The following CHD8 variants were observed in gnomAD, a reference collection of about 807,000 sequenced individuals.
The protein encoded by CHD8 is chromodomain helicase DNA binding protein 8.
In CHD8, 31 loss-of-function variants were observed where a neutral mutation model predicts 279.2. The observed-to-expected ratio is 0.11, with a 90% CI of 0.08 to 0.15. The LOEUF is 0.15. Ranked by LOEUF, CHD8 falls within the 10% of genes least tolerant of loss-of-function variation. The probability of loss-of-function intolerance (pLI) is 1.00; values close to 1 mark genes in which losing one functional copy is unlikely to be tolerated. For missense variants in CHD8, 2,146 were observed against 3,230.5 expected, an observed-to-expected ratio of 0.66 and a Z score of 8.14; for synonymous variants, 1,081 against 1,139.6, an observed-to-expected ratio of 0.95 and a Z score of 1.04.
intron 1 of CHD8, chr14:21,437,164 C>A (rs1361837526): frequency 1.8e-6 from 2 of 1,119,504 alleles, no homozygotes; most frequent in African/African-American, 3.2e-5. Context: ...AGCTGTGCCT[C>A]ACCCCAGTGG....
In CHD8 at chr14:21,385,738, C is replaced by T. The variant is rs752493285; in HGVS notation, c.7621G>A (p.Asp2541Asn). Residue 2541 changes from aspartate to asparagine, a missense_variant, in exon 38 of 38, where the codon GAT (aspartate) becomes AAT (asparagine). By Grantham distance (23) the Asp-to-Asn change is conservative. Coordinates refer to ENST00000646647, the MANE Select transcript of CHD8 (RefSeq NM_001170629.2). ...TCATCATCATCTTCTTCATCCTCAT[C>T]GTCATCCTCCTCAGGTTGCAGTGGT... is the stretch of plus-strand genomic sequence containing the variant. ...LPPLQPEEDD[D>N]EDEEDDDDLS... 1.0e-5 allele frequency: 16 copies of T among 1,551,516 alleles called. No individual in the cohort carries two copies. The highest frequency in any genetic ancestry group is 1.4e-5 in the African/African-American group (1 of 73,030).
At chr14:21,393,031 G>C (rs1848320484) in intron 33 of CHD8, 75 bp downstream of exon 33, 2 of 1,468,746 alleles carry the variant, frequency 1.4e-6, no homozygotes, top group African/African-American at 2.9e-5. Flanking sequence ...AGAACCATAT[G>C]TTCCTTTTTC....
chr14:21,393,853 G>C lies in CHD8; in HGVS notation c.5942C>G (p.Ser1981Cys), dbSNP rs1887654829. The change falls in exon 32 of 38, where the codon TCT (serine) becomes TGT (cysteine). Residue 1981 changes from serine to cysteine, a missense_variant. Ser to Cys is a moderately radical substitution (Grantham distance 112). Transcript: ENST00000646647. The stretch of plus-strand genomic sequence containing the variant: ...ATACTGCTGGTGCAGCAGTGGAGTA[G>C]AGCAGCGTGACAAGGATGGAGCTGG... The part of the protein sequence containing the change: ...GAPAPSLSRC[S>C]TPLLHQQYTS... 4 of 1,613,884 alleles carry C rather than the reference G, an allele frequency of 2.5e-6. No individual in the cohort carries two copies. The highest frequency in any genetic ancestry group is 2.5e-6 in the Non-Finnish European group (3 of 1,179,902).
chr14:21,431,965 A>G (rs544115275), intron 1 of CHD8, 107 bp from the exon 2 acceptor site: 3 of 706,546 alleles, frequency 4.2e-6, no homozygotes, highest in Non-Finnish European at 7.6e-6. Flanking sequence ...CATGAATATA[A>G]GAGGGAAATG....
chr14:21,388,366 A>G (rs921865759), intron 37 of CHD8, among the ~76,000 whole-genome samples: 1 of 152,270 alleles, frequency 6.6e-6, no homozygotes, highest in African/African-American at 2.4e-5. Context: ...CAGATTTTAA[A>G]ACAATACCGT....
chr14:21,447,310 TATA>T (rs1890149815), intron 1 of CHD8, among the ~76,000 whole-genome samples: 1 of 152,102 alleles, frequency 6.6e-6, no homozygotes, highest in Non-Finnish European at 1.5e-5. Context: ...GGGTTAGGAC[TATA>T]ATGCCTCAGT....
chr14:21,420,173 G>T (rs947132653), intron 5 of CHD8, among the ~76,000 whole-genome samples: 2 of 152,200 alleles, frequency 1.3e-5, no homozygotes, highest in African/African-American at 4.8e-5. Context: ...TGCCTCTGCT[G>T]ATGTGGTAGC....
chr14:21,439,383 T>A (rs910528555), intron 1 of CHD8, among the ~76,000 whole-genome samples: 1 of 152,198 alleles, frequency 6.6e-6, no homozygotes, highest in Non-Finnish European at 1.5e-5. Context: ...ACCTCCCCCC[T>A]GTAGCCACCA....
At position 21,386,089 on chromosome 14, in the gene CHD8, G is replaced by A; in HGVS notation, c.7270C>T (p.Pro2424Ser). ...SSKKRARRMR[P>S]DLSKMMALMQ... ...AGGGCCATCATCTTAGAAAGGTCTG[G>A]TCGCATCCTACGGGCCCGCTTCTTG... Residue 2424 changes from proline (P) to serine (S), a missense_variant, in exon 38 of 38, where the codon CCA (proline) becomes TCA (serine). Coordinates refer to ENST00000646647, the MANE Select transcript of CHD8 (RefSeq NM_001170629.2). 6.4e-7 allele frequency: 1 copy of A among 1,569,918 alleles called. No homozygotes were observed. Among genetic ancestry groups the A allele is most frequent in the East Asian group, 2.4e-5 (1 of 42,550 alleles).
intron 1 of CHD8, among the ~76,000 whole-genome samples, chr14:21,453,505 A>G (rs554358541): frequency 1.3e-5 from 2 of 152,094 alleles, no homozygotes; most frequent in South Asian, 2.1e-4. Context: ...TAGTCTGTCA[A>G]TGAATCAAAT....
At chr14:21,417,724 G>C (rs1264780749) in intron 5 of CHD8, among the ~76,000 whole-genome samples, 2 of 151,504 alleles carry the variant, frequency 1.3e-5, no homozygotes, top group Non-Finnish European at 2.9e-5. Context: ...TGTGGTGGCG[G>C]GCGCCTGTAG....
intron 1 of CHD8, among the ~76,000 whole-genome samples, chr14:21,447,046 G>A (rs1209785877): frequency 1.3e-5 from 2 of 152,162 alleles, no homozygotes; most frequent in Non-Finnish European, 2.9e-5. Flanking sequence ...AAGGTGTGTG[G>A]GAGAGAGGTT....
At chr14:21,448,472 T>C (rs2139571890) in intron 1 of CHD8, among the ~76,000 whole-genome samples, 1 of 152,326 alleles carries the variant, frequency 6.6e-6, no homozygotes, top group East Asian at 1.9e-4. Flanking sequence ...GTTCTACAAT[T>C]TTCAAAGGCA....
At position 21,406,978 on chromosome 14, in the gene CHD8, T is replaced by C. The variant is rs760180356; in HGVS notation, c.2785A>G (p.Met929Val). ...KFDALITTFE[M>V]ILSDCPELRE... Reference sequence around the variant, plus strand: ...AGCTCAGGACAATCTGACAAAATCATCTCAAAAGTGGTGATCAGAGCGTCA... The same window carrying C: ...AGCTCAGGACAATCTGACAAAATCACCTCAAAAGTGGTGATCAGAGCGTCA... The change falls in exon 14 of 38, where the codon ATG becomes GTG. Residue 929 changes from methionine (M) to valine (V), a missense_variant. Met to Val is a conservative substitution (Grantham distance 21). Around this residue, in one of 26 missense-constraint regions of CHD8, gnomAD observed 211 missense variants for 464.7 expected, o/e 0.45. Coordinates refer to ENST00000646647, the MANE Select transcript of CHD8 (RefSeq NM_001170629.2). 6.2e-7 allele frequency: 1 copy of C among 1,605,942 alleles called. No individual in the cohort carries two copies. Among genetic ancestry groups the C allele is most frequent in the Non-Finnish European group, 8.5e-7 (1 of 1,175,948 alleles).
At chr14:21,397,012 C>A in intron 27 of CHD8, 1 of 170,390 alleles carries the variant, frequency 5.9e-6, no homozygotes, top group East Asian at 1.6e-4. Flanking sequence ...ATTTGAAACA[C>A]TTTGATCAAC....
Position 21,408,264 on chromosome 14 carries a change from T to C in CHD8, c.2730+48A>G. 6.3e-7 allele frequency: 1 copy of C among 1,589,386 alleles called. No individual in the cohort carries two copies. The highest frequency in any genetic ancestry group is 8.6e-7 in the Non-Finnish European group (1 of 1,168,094). Reference sequence around the variant, plus strand: ...TATAGCCCTTAAAATACCAGGTACCTTGGCCGACTTTCTCTAACTCATAGT... The same window carrying C: ...TATAGCCCTTAAAATACCAGGTACCCTGGCCGACTTTCTCTAACTCATAGT... On this transcript the variant is annotated intron_variant, in intron 13 of 37. Transcript: ENST00000646647. The surrounding 1 kb of genome is among the most constrained non-coding windows in gnomAD (Gnocchi z 4.3).
chr14:21,409,144 AAAAC>A (rs917851324), intron 11 of CHD8, among the ~76,000 whole-genome samples: 6 of 152,206 alleles, frequency 3.9e-5, no homozygotes, highest in Non-Finnish European at 4.4e-5. Context: ...TAAAAATAAA[AAAAC>A]AAACAAAAAA....
At chr14:21,394,560 A>C in intron 30 of CHD8, 75 bp from the exon 31 acceptor site, 1 of 752,686 alleles carries the variant, frequency 1.3e-6, no homozygotes, top group Non-Finnish European at 2.0e-6. Context: ...GTTATTTTTT[A>C]ATGTGTTTTA....
intron 2 of CHD8, 115 bp from the exon 3 acceptor site, chr14:21,429,450 A>C: frequency 1.9e-6 from 2 of 1,039,048 alleles, no homozygotes; most frequent in Non-Finnish European, 3.0e-6. Flanking sequence ...CAGAAGACAC[A>C]GTACAACTCA....
Sources: allele counts gnomAD v4.1 joint callset (sites outside exome capture counted in the v4.1 genomes callset), GRCh38; gene constraint gnomAD v4.1.1; regional missense constraint gnomAD v4.1.1; non-coding constraint Gnocchi (gnomAD v3.1); transcripts MANE v1.5; gene names NCBI Gene and HGNC (gene_info 2026-07-23, HGNC 2026-07-21).